The following ABCG2 variants were observed in gnomAD, a reference collection of about 807,000 sequenced individuals.
ABCG2 encodes the protein ATP binding cassette subfamily G member 2 (JR blood group).
ABCG2 carries 80 observed loss-of-function variants against 73.5 expected under a neutral mutation model. The observed-to-expected ratio is 1.09, with a 90% CI of 0.91 to 1.31. The LOEUF (loss-of-function observed/expected upper bound fraction) is 1.31. Among genes scored for constraint, ABCG2 ranks in the 50% most tolerant of loss-of-function variants. ABCG2 has a pLI of 0.00. For missense variants in ABCG2, 796 were observed against 786.2 expected, an observed-to-expected ratio of 1.01 and a Z score of -0.15; for synonymous variants, 269 against 282.4, an observed-to-expected ratio of 0.95 and a Z score of 0.48.
rs1314673899 is a variant in ABCG2 at position 88,139,782 on chromosome 4, C to G, written c.203+11G>C. The stretch of plus-strand genomic sequence containing the variant: ...TTAAAAAGCTGTCTTTTTACAAGTT[C>G]ATGTACATACTTGATATTCGATAAT... On this transcript the variant is annotated intron_variant, in intron 2 of 15. Coordinates refer to ENST00000237612, the MANE Select transcript of ABCG2 (RefSeq NM_004827.3). 4 of 1,610,466 alleles carry G rather than the reference C, an allele frequency of 2.5e-6. No homozygotes were observed. The highest frequency in any genetic ancestry group is 2.5e-6 in the Non-Finnish European group (3 of 1,177,848).
intron 1 of ABCG2, among the ~76,000 whole-genome samples, chr4:88,229,435 T>G (rs1730364032): frequency 6.6e-6 from 1 of 152,140 alleles, no homozygotes; most frequent in Non-Finnish European, 1.5e-5. Context: ...GCCCAGGAAT[T>G]CGAGACCAGC....
intron 1 of ABCG2, among the ~76,000 whole-genome samples, chr4:88,197,984 C>G (rs954118429): frequency 6.8e-6 from 1 of 148,002 alleles, no homozygotes; most frequent in African/African-American, 2.5e-5. Flanking sequence ...GAGCCGAAAT[C>G]GCACCACTGC....
intron 1 of ABCG2, among the ~76,000 whole-genome samples, chr4:88,218,026 T>C (rs1046872505): frequency 6.6e-6 from 1 of 151,818 alleles, no homozygotes; most frequent in Non-Finnish European, 1.5e-5. Context: ...AGGTAGAATG[T>C]TTCTGCTATC....
Position 88,092,368 on chromosome 4 carries a change from C to A in ABCG2, c.1834G>T (p.Glu612Ter), listed in dbSNP as rs1480156055. ...PCNYATCTGE[E>*]YLVKQGIDLS... ...TCGATGCCCTGCTTTACCAAATATTCTTCGCCAGTACATCTGAAATTAAAC... is the reference window on the plus strand; with the variant it reads ...TCGATGCCCTGCTTTACCAAATATTATTCGCCAGTACATCTGAAATTAAAC... Residue 612 changes from glutamate to a stop codon, truncating the protein, a stop_gained, in exon 16 of 16, where the codon GAA becomes TAA. Coordinates refer to ENST00000237612, the MANE Select transcript of ABCG2 (RefSeq NM_004827.3). LOFTEE classifies it high-confidence loss of function. 1 of 1,606,634 alleles carries A rather than the reference C, an allele frequency of 6.2e-7. No homozygotes were observed. Among genetic ancestry groups the A allele is most frequent in the East Asian group, 2.2e-5 (1 of 44,834 alleles).
At chr4:88,131,766 C>A (rs1190765130) in intron 4 of ABCG2, 37 bp downstream of exon 4, 1 of 1,487,740 alleles carries the variant, frequency 6.7e-7, no homozygotes, top group Admixed American at 1.7e-5. Flanking sequence ...CATATAGAAA[C>A]AGAGGAAACA....
chr4:88,198,644 A>G (rs529209231), intron 1 of ABCG2, among the ~76,000 whole-genome samples: 1 of 152,288 alleles, frequency 6.6e-6, no homozygotes, highest in South Asian at 2.1e-4. Flanking sequence ...AAAAAGAAAA[A>G]TAAATAAATG....
intron 1 of ABCG2, among the ~76,000 whole-genome samples, chr4:88,222,399 G>C (rs1730044186): frequency 6.6e-6 from 1 of 152,182 alleles, no homozygotes; most frequent in Non-Finnish European, 1.5e-5. Flanking sequence ...GAGGGACCTG[G>C]TGGGAGGTCA....
intron 1 of ABCG2, among the ~76,000 whole-genome samples, chr4:88,186,303 A>G (rs1475120733): frequency 1.3e-5 from 2 of 152,192 alleles, no homozygotes; most frequent in Non-Finnish European, 2.9e-5. Flanking sequence ...TGCATGAGCT[A>G]AAAAATCAAA....
intron 12 of ABCG2, among the ~76,000 whole-genome samples, 189 bp downstream of exon 12, chr4:88,099,135 G>A (rs1722202380): frequency 6.6e-6 from 1 of 152,046 alleles, no homozygotes; most frequent in Non-Finnish European, 1.5e-5. Context: ...AGTTCAGTTG[G>A]GAAACAGTCT....
intron 1 of ABCG2, among the ~76,000 whole-genome samples, chr4:88,166,318 T>C (rs1370502058): frequency 6.6e-6 from 1 of 152,170 alleles, no homozygotes; most frequent in East Asian, 1.9e-4. Context: ...CGTACCATCA[T>C]TTGTTTCCCT....
Position 88,107,168 on chromosome 4 carries a change from A to C in ABCG2, c.1277+16T>G. ...GTAACAGCATTTTCTGAAAATCAAGATCCAAATTTACTTACCTGTTCTGGA... is the reference window on the plus strand; with the variant it reads ...GTAACAGCATTTTCTGAAAATCAAGCTCCAAATTTACTTACCTGTTCTGGA... On this transcript the variant is annotated intron_variant, in intron 10 of 15. Coordinates refer to ENST00000237612, the MANE Select transcript of ABCG2 (RefSeq NM_004827.3). The C allele has an allele frequency of 6.3e-7, 1 of 1,579,578 alleles. No homozygotes were observed. Among genetic ancestry groups the C allele is most frequent in the Non-Finnish European group, 8.6e-7 (1 of 1,157,872 alleles).
At chr4:88,224,051 AT>A (rs1305991152) in intron 1 of ABCG2, among the ~76,000 whole-genome samples, 2 of 152,072 alleles carry the variant, frequency 1.3e-5, no homozygotes, top group Middle Eastern at 3.4e-3. Flanking sequence ...CTTTTTAATC[AT>A]TTTTTTGTTG....
At chr4:88,189,104 C>T (rs534148388) in intron 1 of ABCG2, among the ~76,000 whole-genome samples, 7 of 152,162 alleles carry the variant, frequency 4.6e-5, no homozygotes, top group Non-Finnish European at 7.4e-5. Flanking sequence ...AGTCTCTTTC[C>T]GCAATGTTTT....
At chr4:88,183,043 C>G (rs1305339590) in intron 1 of ABCG2, among the ~76,000 whole-genome samples, 7 of 135,330 alleles carry the variant, frequency 5.2e-5, no homozygotes. Context: ...CGAGATCGCA[C>G]CACTGCACTC....
At chr4:88,126,096 T>C (rs1724389015) in intron 5 of ABCG2, among the ~76,000 whole-genome samples, 2 of 152,112 alleles carry the variant, frequency 1.3e-5, no homozygotes, top group Non-Finnish European at 2.9e-5. Flanking sequence ...ATAAAGGGGA[T>C]ATAATCACTG....
intron 5 of ABCG2, among the ~76,000 whole-genome samples, chr4:88,127,072 A>G (rs1724471563): frequency 6.6e-6 from 1 of 152,248 alleles, no homozygotes; most frequent in Non-Finnish European, 1.5e-5. Flanking sequence ...AAGCAACTTC[A>G]GCAAAGTCTC....
At chr4:88,156,908 C>T (rs140705373) in intron 1 of ABCG2, among the ~76,000 whole-genome samples, 6,622 of 152,212 alleles carry the variant, frequency 0.044, 239 homozygotes, top group South Asian at 0.12. Context: ...AGTTCGAGAC[C>T]AGCCTGGCCA....
upstream of ABCG2, among the ~76,000 whole-genome samples, chr4:88,160,848 C>CAAAAAAAA (rs765758097): frequency 2.7e-5 from 1 of 37,450 alleles, no homozygotes; most frequent in Non-Finnish European, 5.1e-5. Context: ...GACTCCATCT[C>CAAAAAAAA]AAAAAAAAAA....
At position 88,115,376 on chromosome 4, in the gene ABCG2, C is replaced by T. The variant is rs536600333; in HGVS notation, c.842-318G>A. Among the ~76,000 whole-genome samples, 20 of 148,642 alleles carry T rather than the reference C, an allele frequency of 1.3e-4. No homozygotes were observed. In the South Asian group the frequency reaches 4.3e-3, roughly 32 times the overall value. On this transcript the variant is annotated intron_variant, in intron 7 of 15. Transcript: ENST00000237612. The stretch of plus-strand genomic sequence containing the variant: ...TTGGTTCACTGAAACCTCTGCCTCC[C>T]GAGTTCAAGTGATTCTCCTGCCTCA...
Sources: gnomAD v4.1 joint callset for allele counts (sites outside exome capture counted in the v4.1 genomes callset) on GRCh38, gnomAD v4.1.1 for gene constraint, MANE v1.5 for transcripts, NCBI Gene and HGNC (gene_info 2026-07-23, HGNC 2026-07-21) for gene names.